The following OR2C3 variants were observed in gnomAD, a reference collection of about 807,000 sequenced individuals.
OR2C3 encodes the protein olfactory receptor 2C3.
For missense variants in OR2C3, 425 were observed against 401.5 expected (o/e 1.06, Z -0.50); for synonymous variants, 178 against 163.4 (o/e 1.09, Z -0.68).
At position 247,532,228 on chromosome 1, in the gene OR2C3, T is replaced by C. The variant is rs375883737; in HGVS notation, c.284A>G (p.Tyr95Cys). 1.8e-5 allele frequency: 29 copies of C among 1,614,042 alleles called. No homozygotes were observed. Among genetic ancestry groups the C allele is most frequent in the Non-Finnish European group, 2.5e-5 (29 of 1,180,016 alleles). The part of the protein sequence containing the change: ...NLWGPQKTIS[Y>C]GGCVVQFYIS... ...ATAGAACTGGACCACACACCCTCCA[T>C]AGCTTATGGTTTTCTGTGGTCCCCA... The change falls in exon 3 of 3, where the codon TAT (tyrosine) becomes TGT (cysteine). Residue 95 changes from tyrosine (Y) to cysteine (C), a missense_variant. Tyr to Cys is a radical substitution (Grantham distance 194). Coordinates refer to ENST00000641802, the MANE Select transcript of OR2C3 (RefSeq NM_198074.6).
At position 247,531,588 on chromosome 1, in the gene OR2C3, C is replaced by A; in HGVS notation, c.924G>T (p.Glu308Asp). ...VKSALRHMVL[E>D]NCCGSAGKLA... is the part of the protein sequence containing the mutation. Reference sequence around the variant, plus strand: ...GCTTGCCTGCAGAGCCACAGCAGTTCTCTAATACCATGTGCCGGAGGGCGC... The same window carrying A: ...GCTTGCCTGCAGAGCCACAGCAGTTATCTAATACCATGTGCCGGAGGGCGC... The change falls in exon 3 of 3, where the codon GAG (glutamate) becomes GAT (aspartate). Residue 308 changes from glutamate (E) to aspartate (D), a missense_variant. Physicochemically the swap from Glu to Asp is conservative, Grantham distance 45. Transcript: ENST00000641802. 2 of 1,614,170 alleles carry A rather than the reference C, an allele frequency of 1.2e-6. No individual in the cohort carries two copies. Among genetic ancestry groups the A allele is most frequent in the Non-Finnish European group, 1.7e-6 (2 of 1,180,020 alleles).
chr1:247,532,431 G>A lies in OR2C3; in HGVS notation c.81C>T (p.Val27=), dbSNP rs767916298. ...AAAAACTCAAGACAACTATGAAGAG[G>A]ACAGTTTCTAGTGAGGGTCGTGTGG... ...GFSTRPSLET[V]LFIVVLSFYM... Residue 27 remains valine, a synonymous_variant, in exon 3 of 3, where the codon GTC becomes GTT. Coordinates refer to ENST00000641802, the MANE Select transcript of OR2C3 (RefSeq NM_198074.6). 2.5e-6 allele frequency: 4 copies of A among 1,613,944 alleles called. No individual in the cohort carries two copies. The highest frequency in any genetic ancestry group is 3.4e-6 in the Non-Finnish European group (4 of 1,179,958).
chr1:247,535,132 G>A (rs1667165492), intron 1 of OR2C3, among the ~76,000 whole-genome samples: 1 of 152,132 alleles, frequency 6.6e-6, no homozygotes, highest in African/African-American at 2.4e-5. Flanking sequence ...GGGCAACATA[G>A]TGAGAGATTG....
At position 247,531,816 on chromosome 1, in the gene OR2C3, T is replaced by C. The variant is rs1443476913; in HGVS notation, c.696A>G (p.Ala232=). Residue 232 remains alanine, a synonymous_variant, in exon 3 of 3, where the codon GCA becomes GCG. Transcript: ENST00000641802. The part of the protein sequence containing the change: ...IARAVLKIRS[A]EGRRKAFNTC... ...TGTTGAATGCCTTTCTCCGCCCTTC[T>C]GCTGACCTGATCTTCAACACGGCCC... is the stretch of plus-strand genomic sequence containing the variant. 24 of 1,614,028 alleles carry C rather than the reference T, an allele frequency of 1.5e-5. No homozygotes were observed. The highest frequency in any genetic ancestry group is 1.9e-5 in the Non-Finnish European group (23 of 1,180,002).
Position 247,525,523 on chromosome 1 carries a change from G to A in OR2C3, c.*6026C>T, listed in dbSNP as rs1199868618. 6.6e-6 allele frequency: 1 copy of A among 152,224 alleles called. No individual in the cohort carries two copies. Among genetic ancestry groups the A allele is most frequent in the Non-Finnish European group, 1.5e-5 (1 of 68,050 alleles). The allele number at this position is 152,224 out of a possible 1,614,324, so 9.4% of individuals were successfully genotyped here. A position where few individuals can be genotyped will look rare whatever the true frequency, so the allele number is the denominator to read the frequency against. On this transcript the variant is annotated 3_prime_UTR_variant, in exon 3 of 3. Coordinates refer to ENST00000641802, the MANE Select transcript of OR2C3 (RefSeq NM_198074.6). ...CTACATTTAGCAGTTTATTGTAAAG[G>A]ATATCGCAAGAGATGCAGATGAAGA...
chr1:247,533,327 G>T (rs995993200), intron 2 of OR2C3, among the ~76,000 whole-genome samples, 180 bp downstream of exon 2: 1 of 152,020 alleles, frequency 6.6e-6, no homozygotes, highest in African/African-American at 2.4e-5. Context: ...CTTCTTGTCC[G>T]TGGCCCCTCA....
Position 247,531,755 on chromosome 1 carries a change from A to G in OR2C3, c.757T>C (p.Tyr253His), listed in dbSNP as rs768620569. Residue 253 changes from tyrosine to histidine, a missense_variant, in exon 3 of 3, where the codon TAC (tyrosine) becomes CAC (histidine). Tyr to His is a moderately conservative substitution (Grantham distance 83, BLOSUM62 2). Coordinates refer to ENST00000641802, the MANE Select transcript of OR2C3 (RefSeq NM_198074.6). Reference protein sequence around the residue: ...SSHVAVVSLFYGSIIFMYLQP... With the variant: ...SSHVAVVSLFHGSIIFMYLQP... Reference sequence around the variant, plus strand: ...AGATACATGAAGATGATGCTCCCGTAAAACAGAGACACCACAGCCACGTGG... The same window carrying G: ...AGATACATGAAGATGATGCTCCCGTGAAACAGAGACACCACAGCCACGTGG... 5 of 1,614,108 alleles carry G rather than the reference A, an allele frequency of 3.1e-6. No homozygotes were observed. In the Admixed American group the frequency reaches 8.3e-5, roughly 27 times the overall value.
chr1:247,531,316 C>T lies in OR2C3; in HGVS notation c.*233G>A, dbSNP rs1666942254. On this transcript the variant is annotated 3_prime_UTR_variant, in exon 3 of 3. Coordinates refer to ENST00000641802, the MANE Select transcript of OR2C3 (RefSeq NM_198074.6). ...GTTTACAAAACAAGATGACAGTCAA[C>T]ATGTGTATATATAGCAAAAACCAAC... 1.8e-5 allele frequency: 10 copies of T among 549,610 alleles called. 1 individual carries two copies. In the South Asian group the frequency reaches 2.5e-4, roughly 14 times the overall value. 34.0% of individuals were successfully genotyped at this position (549,610 alleles called of 1,614,324 possible). A position where few individuals can be genotyped will look rare whatever the true frequency, so the allele number is the denominator to read the frequency against.
chr1:247,535,748 CA>C (rs1313592224), intron 1 of OR2C3, among the ~76,000 whole-genome samples: 2 of 152,180 alleles, frequency 1.3e-5, no homozygotes, highest in Non-Finnish European at 2.9e-5. Flanking sequence ...GCTGCTTAGT[CA>C]TACTGGAGCT....
In OR2C3 at chr1:247,527,215, T is replaced by C. The variant is rs1666716812; in HGVS notation, c.*4334A>G. 4 of 388,550 alleles carry C rather than the reference T, an allele frequency of 1.0e-5. No homozygotes were observed. Among genetic ancestry groups the C allele is most frequent in the Non-Finnish European group, 1.5e-5 (3 of 195,632 alleles). The allele number at this position is 388,550 out of a possible 1,614,324, so 24.1% of individuals were successfully genotyped here. ...GAGTTATGGTCATCATTCTCCTCTG[T>C]GCCAAACAGGGGCTGATGGATGGTC... On this transcript the variant is annotated 3_prime_UTR_variant, in exon 3 of 3. Coordinates refer to ENST00000641802, the MANE Select transcript of OR2C3 (RefSeq NM_198074.6). The surrounding 1 kb of genome is among the most constrained non-coding windows in gnomAD (Gnocchi z 4.6).
chr1:247,530,081 TTC>T lies in OR2C3; in HGVS notation c.*1466_*1467del, dbSNP rs776642986. Reference sequence around the variant, plus strand: ...TATTCTCTTTTACACATATTTTTGGTTCTGTTTCTCTGGAGAACCCTGACTAA... The same window carrying T: ...TATTCTCTTTTACACATATTTTTGGTTGTTTCTCTGGAGAACCCTGACTAA... On this transcript the variant is annotated 3_prime_UTR_variant, in exon 3 of 3. Coordinates refer to ENST00000641802, the MANE Select transcript of OR2C3 (RefSeq NM_198074.6). The T allele has an allele frequency of 1.3e-5, 2 of 152,100 alleles. No homozygotes were observed. Among genetic ancestry groups the T allele is most frequent in the Non-Finnish European group, 2.9e-5 (2 of 68,024 alleles). 9.4% of individuals were successfully genotyped at this position (152,100 alleles called of 1,614,324 possible). A position where few individuals can be genotyped will look rare whatever the true frequency, so the allele number is the denominator to read the frequency against.
chr1:247,531,418 T>A lies in OR2C3; in HGVS notation c.*131A>T. 2.4e-6 allele frequency: 2 copies of A among 847,220 alleles called. No homozygotes were observed. The highest frequency in any genetic ancestry group is 3.7e-6 in the Non-Finnish European group (2 of 538,362). The allele number at this position is 847,220 out of a possible 1,614,324, so 52.5% of individuals were successfully genotyped here. Reference sequence around the variant, plus strand: ...TGGTCTGGAAATGGCATGAGCACACTCCTTTCAGATTTCCATCTACCTTGA... The same window carrying A: ...TGGTCTGGAAATGGCATGAGCACACACCTTTCAGATTTCCATCTACCTTGA... On this transcript the variant is annotated 3_prime_UTR_variant, in exon 3 of 3. Coordinates refer to ENST00000641802, the MANE Select transcript of OR2C3 (RefSeq NM_198074.6).
Position 247,525,241 on chromosome 1 carries a change from ACAAT to A in OR2C3, c.*6304_*6307del, listed in dbSNP as rs756927566. ...GGGGTTAAGCCCATACACCAAGCAA[ACAAT>A]CAATCCTATGGCAGACACCAGCTGG... On this transcript the variant is annotated 3_prime_UTR_variant, in exon 3 of 3. Transcript: ENST00000641802. 1 of 152,212 alleles carries A rather than the reference ACAAT, an allele frequency of 6.6e-6. No individual in the cohort carries two copies. The highest frequency in any genetic ancestry group is 1.5e-5 in the Non-Finnish European group (1 of 68,048). The allele number at this position is 152,212 out of a possible 1,614,324, so 9.4% of individuals were successfully genotyped here.
At chr1:247,534,107 C>T (rs1667120596) in intron 1 of OR2C3, among the ~76,000 whole-genome samples, 1 of 152,204 alleles carries the variant, frequency 6.6e-6, no homozygotes, top group Non-Finnish European at 1.5e-5. Flanking sequence ...TGAAAACCCT[C>T]ACAACTCCCT....
chr1:247,525,128 A>ATG lies in OR2C3; in HGVS notation c.*6419_*6420dup, dbSNP rs754377893. 3 of 152,244 alleles carry ATG rather than the reference A, an allele frequency of 2.0e-5. No individual in the cohort carries two copies. The highest frequency in any genetic ancestry group is 4.4e-5 in the Non-Finnish European group (3 of 68,048). The allele number at this position is 152,244 out of a possible 1,614,324, so 9.4% of individuals were successfully genotyped here. ...TTAAATATGTCCACATAATGTCAAC[A>ATG]TGTTCTATAAGGAAAAACAAACTAA... On this transcript the variant is annotated 3_prime_UTR_variant, in exon 3 of 3. Transcript: ENST00000641802.
Position 247,525,328 on chromosome 1 carries a change from G to T in OR2C3, c.*6221C>A, listed in dbSNP as rs1666636006. On this transcript the variant is annotated 3_prime_UTR_variant, in exon 3 of 3. Coordinates refer to ENST00000641802, the MANE Select transcript of OR2C3 (RefSeq NM_198074.6). ...CTGGAAATAACGCCAGGTCTGCTGGGTGAGGGCTAAGTCTCATAAGACATC... is the reference window on the plus strand; with the variant it reads ...CTGGAAATAACGCCAGGTCTGCTGGTTGAGGGCTAAGTCTCATAAGACATC... 6.6e-6 allele frequency: 1 copy of T among 152,184 alleles called. No individual in the cohort carries two copies. The highest frequency in any genetic ancestry group is 2.4e-5 in the African/African-American group (1 of 41,436). 9.4% of individuals were successfully genotyped at this position (152,184 alleles called of 1,614,324 possible).
intron 2 of OR2C3, 25 bp from the exon 3 acceptor site, chr1:247,532,565 A>G: frequency 6.5e-7 from 1 of 1,538,224 alleles, no homozygotes; most frequent in South Asian, 1.2e-5. Context: ...CAGGGCATAC[A>G]GGGCATGAGA....
rs1157669892 is a variant in OR2C3 at position 247,525,445 on chromosome 1, C to G, written c.*6104G>C. The G allele has an allele frequency of 6.6e-6, 1 of 152,264 alleles. No individual in the cohort carries two copies. Among genetic ancestry groups the G allele is most frequent in the Admixed American group, 6.5e-5 (1 of 15,286 alleles). The allele number at this position is 152,264 out of a possible 1,614,324, so 9.4% of individuals were successfully genotyped here. On this transcript the variant is annotated 3_prime_UTR_variant, in exon 3 of 3. Coordinates refer to ENST00000641802, the MANE Select transcript of OR2C3 (RefSeq NM_198074.6). Reference sequence around the variant, plus strand: ...TGTAAGTCTGGGTTACCACAGCCCCCTTCTTGGGTTCAATTAATTTGCTAG... The same window carrying G: ...TGTAAGTCTGGGTTACCACAGCCCCGTTCTTGGGTTCAATTAATTTGCTAG...
chr1:247,528,933 T>C lies in OR2C3; in HGVS notation c.*2616A>G, dbSNP rs563494029. On this transcript the variant is annotated 3_prime_UTR_variant, in exon 3 of 3. Coordinates refer to ENST00000641802, the MANE Select transcript of OR2C3 (RefSeq NM_198074.6). The stretch of plus-strand genomic sequence containing the variant: ...GATCTTGGTGGTATGGTAGATAAGA[T>C]GACTCATCTAGTAGGTAATCAGTCA... 49 of 152,248 alleles carry C rather than the reference T, an allele frequency of 3.2e-4. No homozygotes were observed. The highest frequency in any genetic ancestry group is 1.2e-3 in the African/African-American group (49 of 41,554). The allele number at this position is 152,248 out of a possible 1,614,324, so 9.4% of individuals were successfully genotyped here.
Sources: gnomAD v4.1 joint callset for allele counts (sites outside exome capture counted in the v4.1 genomes callset) on GRCh38, gnomAD v4.1.1 for gene constraint, Gnocchi (gnomAD v3.1) non-coding constraint, MANE v1.5 for transcripts, NCBI Gene and HGNC (gene_info 2026-07-23, HGNC 2026-07-21) for gene names.